Variants in INO80 observed in about 807,000 individuals in gnomAD.
The protein encoded by INO80 is INO80 complex ATPase subunit, also known as chromatin-remodeling ATPase INO80.
In INO80, 20 loss-of-function variants were observed where a neutral mutation model predicts 203.4. The ratio of observed to expected loss-of-function variants is 0.10; its 90% CI spans 0.07 to 0.14. INO80 has a LOEUF of 0.14. Ranked by LOEUF, INO80 falls within the 10% of genes least tolerant of loss-of-function variation. The pLI is 1.00. For missense variants in INO80, 1,419 were observed against 1,914.4 expected (o/e 0.74, Z 4.83); for synonymous variants, 726 against 685.2 (o/e 1.06, Z -0.93).
Position 41,095,793 on chromosome 15 carries a change from T to A in INO80, c.279A>T (p.Leu93Phe), listed in dbSNP as rs772516413. 9 of 1,614,176 alleles carry A rather than the reference T, an allele frequency of 5.6e-6. No homozygotes were observed. Among genetic ancestry groups the A allele is most frequent in the Non-Finnish European group, 7.6e-6 (9 of 1,180,034 alleles). The stretch of plus-strand genomic sequence containing the variant: ...GAACTCCATTCAGAGAATATGTGTT[T>A]AACATTCCAGAACTGCCTGCTCCAG... Reference protein sequence around the residue: ...ETSGAGSSGMLNTYSLNGVLQ... With the variant: ...ETSGAGSSGMFNTYSLNGVLQ... The change falls in exon 3 of 36, where the codon TTA (leucine) becomes TTT (phenylalanine). Residue 93 changes from leucine to phenylalanine, a missense_variant. Around this residue, in one of 9 missense-constraint regions of INO80, gnomAD observed 323 missense variants for 325.4 expected, o/e 0.99. Transcript: ENST00000648947.
At chr15:40,997,131 G>C (rs1234267403) in intron 29 of INO80, among the ~76,000 whole-genome samples, 2 of 151,946 alleles carry the variant, frequency 1.3e-5, no homozygotes, top group Non-Finnish European at 2.9e-5. Context: ...ACAAAAATTA[G>C]CTGGGCATGG....
At chr15:41,005,963 A>AAT (rs2044034930) in intron 27 of INO80, among the ~76,000 whole-genome samples, 1 of 151,470 alleles carries the variant, frequency 6.6e-6, no homozygotes, top group Non-Finnish European at 1.5e-5. Context: ...TTTCATTAAA[A>AAT]AAAAAAAAAA....
intron 13 of INO80, 90 bp downstream of exon 13, chr15:41,070,377 G>T (rs747435731): frequency 1.1e-5 from 12 of 1,122,156 alleles, no homozygotes; most frequent in Non-Finnish European, 1.6e-5. Context: ...ATGCTACACA[G>T]CTTAACATAG....
intron 5 of INO80, among the ~76,000 whole-genome samples, chr15:41,088,458 A>G (rs941655092): frequency 6.6e-6 from 1 of 152,034 alleles, no homozygotes; most frequent in East Asian, 1.9e-4. Context: ...GTCACCAGTC[A>G]TCCCAATTCT....
chr15:41,030,268 T>C (rs1171533065), intron 24 of INO80, among the ~76,000 whole-genome samples: 10 of 152,238 alleles, frequency 6.6e-5, no homozygotes, highest in Admixed American at 6.5e-4. Flanking sequence ...GGAGTTCTTT[T>C]AACAAAGCAC....
chr15:40,999,962 G>A (rs566147239), intron 28 of INO80, among the ~76,000 whole-genome samples: 1 of 152,258 alleles, frequency 6.6e-6, no homozygotes, highest in East Asian at 1.9e-4. Flanking sequence ...GCCAGGCATG[G>A]TGGCACACAC....
Position 41,049,219 on chromosome 15 carries a change from T to G in INO80, c.2576+68A>C. 3 of 1,336,192 alleles carry G rather than the reference T, an allele frequency of 2.2e-6. No homozygotes were observed. In the South Asian group the frequency reaches 4.3e-5, roughly 19 times the overall value. The allele number at this position is 1,336,192 out of a possible 1,614,324, so 82.8% of individuals were successfully genotyped here. A position where few individuals can be genotyped will look rare whatever the true frequency, so the allele number is the denominator to read the frequency against. ...GAACTCATATTCTCTCCACTAAATTTATCTACTAAGCCATAAAACTGTAAA... is the reference window on the plus strand; with the variant it reads ...GAACTCATATTCTCTCCACTAAATTGATCTACTAAGCCATAAAACTGTAAA... On this transcript the variant is annotated intron_variant, in intron 21 of 35. Coordinates refer to ENST00000648947, the MANE Select transcript of INO80 (RefSeq NM_017553.3).
intron 33 of INO80, 65 bp from the exon 34 acceptor site, chr15:40,983,986 G>T: frequency 6.4e-7 from 1 of 1,551,860 alleles, no homozygotes; most frequent in Non-Finnish European, 8.9e-7. Context: ...CTTGCACCCA[G>T]CTAGGAACAT....
chr15:41,037,680 C>A (rs898915784), intron 24 of INO80, among the ~76,000 whole-genome samples: 1 of 151,966 alleles, frequency 6.6e-6, no homozygotes, highest in Non-Finnish European at 1.5e-5. Flanking sequence ...TGGTGGCTCA[C>A]GCCTGTAATC....
chr15:41,072,129 A>C, intron 11 of INO80, 71 bp from the exon 12 acceptor site: 1 of 1,032,830 alleles, frequency 9.7e-7, no homozygotes, highest in Non-Finnish European at 1.4e-6. Context: ...ATAAGACTCA[A>C]GATAACAATA....
chr15:41,072,867 G>A (rs374083095), intron 11 of INO80, among the ~76,000 whole-genome samples: 2 of 150,954 alleles, frequency 1.3e-5, no homozygotes, highest in East Asian at 2.0e-4. Context: ...AGCAAGCTCC[G>A]CCTACCGGGT....
intron 19 of INO80, among the ~76,000 whole-genome samples, chr15:41,051,733 T>C (rs141599126): frequency 0.016 from 2,487 of 152,124 alleles, 270 homozygotes; most frequent in Admixed American, 0.15. Flanking sequence ...GGTGGGTGGA[T>C]CACGAAGTCA....
intron 11 of INO80, among the ~76,000 whole-genome samples, chr15:41,072,781 CT>C: frequency 6.9e-6 from 1 of 145,602 alleles, no homozygotes; most frequent in East Asian, 2.0e-4. Context: ...AGAGTGTGGT[CT>C]TTTTCTTTTT....
chr15:40,992,099 A>C (rs2043824465), intron 29 of INO80, among the ~76,000 whole-genome samples: 1 of 152,216 alleles, frequency 6.6e-6, no homozygotes, highest in Admixed American at 6.5e-5. Context: ...TTCTAGAAGA[A>C]CAAGTGGGAA....
rs1356742545 is a variant in INO80 at position 40,983,931 on chromosome 15, G to A, written c.4078-10C>T. On this transcript the variant is annotated splice_polypyrimidine_tract_variant and intron_variant, in intron 33 of 35. Coordinates refer to ENST00000648947, the MANE Select transcript of INO80 (RefSeq NM_017553.3). The stretch of plus-strand genomic sequence containing the variant: ...CACTGCTGATGGAGATCTAGAAGAG[G>A]AAGGGTTAAGATCATTACGACCCCC... 6.2e-7 allele frequency: 1 copy of A among 1,613,048 alleles called. No individual in the cohort carries two copies. The highest frequency in any genetic ancestry group is 1.7e-5 in the Admixed American group (1 of 60,014).
chr15:41,034,220 T>C (rs1199207581), intron 24 of INO80, among the ~76,000 whole-genome samples: 1 of 152,148 alleles, frequency 6.6e-6, no homozygotes, highest in Admixed American at 6.5e-5. Flanking sequence ...TAACAAAAAA[T>C]TCATATTTTA....
intron 18 of INO80, among the ~76,000 whole-genome samples, chr15:41,054,332 A>C (rs2140541703): frequency 6.6e-6 from 1 of 152,304 alleles, no homozygotes; most frequent in South Asian, 2.1e-4. Context: ...TTCCCCAAAA[A>C]TTACCTTCCA....
chr15:41,063,328 C>T (rs921668536), intron 14 of INO80, among the ~76,000 whole-genome samples: 4 of 151,864 alleles, frequency 2.6e-5, no homozygotes, highest in Admixed American at 6.6e-5. Context: ...CAGAGCCAGA[C>T]TCCGTCTCAA....
At chr15:40,989,985 A>G (rs2043795001) in intron 29 of INO80, among the ~76,000 whole-genome samples, 1 of 152,078 alleles carries the variant, frequency 6.6e-6, no homozygotes. Context: ...TCTCTTGCCT[A>G]TAATAATGTC....
Sources: allele counts gnomAD v4.1 joint callset (sites outside exome capture counted in the v4.1 genomes callset), GRCh38; gene constraint gnomAD v4.1.1; regional missense constraint gnomAD v4.1.1; transcripts MANE v1.5; gene names NCBI Gene and HGNC (gene_info 2026-07-23, HGNC 2026-07-21).